The following MRPS31 variants were observed in gnomAD, a reference collection of about 807,000 sequenced individuals.
MRPS31 encodes mitochondrial ribosomal protein S31, also known as small ribosomal subunit protein mS31.
Under a neutral mutation model 43.1 loss-of-function variants are expected in MRPS31, and 32 were observed. The ratio of observed to expected loss-of-function variants is 0.74; its 90% CI spans 0.56 to 1.00. The LOEUF (loss-of-function observed/expected upper bound fraction) is 1.00. MRPS31 is among the 50% of genes least tolerant of loss of function. MRPS31 has a pLI of 0.00. For missense variants in MRPS31, 437 were observed against 466.7 expected (o/e 0.94, Z 0.59); for synonymous variants, 165 against 161.6 (o/e 1.02, Z -0.16).
At chr13:40,752,651 A>T (rs1259809839) in intron 5 of MRPS31, among the ~76,000 whole-genome samples, 1 of 152,204 alleles carries the variant, frequency 6.6e-6, no homozygotes, top group African/African-American at 2.4e-5. Context: ...AAATAGAGGG[A>T]AAATCAAAAG....
chr13:40,757,714 G>A (rs1477999062), intron 3 of MRPS31, among the ~76,000 whole-genome samples: 3 of 148,612 alleles, frequency 2.0e-5, no homozygotes, highest in Admixed American at 2.0e-4. Context: ...ACAGTGCTGG[G>A]ATTACAGGCG....
chr13:40,741,341 T>TA (rs1880083673), intron 6 of MRPS31, among the ~76,000 whole-genome samples: 1 of 152,162 alleles, frequency 6.6e-6, no homozygotes, highest in Non-Finnish European at 1.5e-5. Context: ...GGAAACATAT[T>TA]TCCAACACAT....
intron 6 of MRPS31, among the ~76,000 whole-genome samples, chr13:40,741,333 A>T (rs1176577987): frequency 6.6e-6 from 1 of 152,204 alleles, no homozygotes; most frequent in African/African-American, 2.4e-5. Context: ...ACAAACTGGG[A>T]AACATATTTC....
At chr13:40,758,559 G>A (rs1381094097) in intron 3 of MRPS31, among the ~76,000 whole-genome samples, 3 of 152,138 alleles carry the variant, frequency 2.0e-5, no homozygotes, top group Admixed American at 6.5e-5. Context: ...AAATACAGAA[G>A]AGGAAAAAGA....
At chr13:40,752,846 C>T (rs1367951636) in intron 5 of MRPS31, among the ~76,000 whole-genome samples, 1 of 151,994 alleles carries the variant, frequency 6.6e-6, no homozygotes, top group African/African-American at 2.4e-5. Flanking sequence ...TCCAGTGATC[C>T]TGCCACTTCA....
chr13:40,752,408 C>T (rs1880416233), intron 5 of MRPS31: 1 of 152,186 alleles, frequency 6.6e-6, no homozygotes, highest in Non-Finnish European at 1.5e-5. Flanking sequence ...ACTTCCTTCT[C>T]ATCATACACA....
chr13:40,769,267 T>C (rs1014222572), intron 1 of MRPS31, among the ~76,000 whole-genome samples: 4 of 150,436 alleles, frequency 2.7e-5, no homozygotes, highest in African/African-American at 9.7e-5. Context: ...TCCCAGCTAC[T>C]TGGGAGGCTG....
intron 6 of MRPS31, among the ~76,000 whole-genome samples, chr13:40,739,915 C>T (rs1173417395): frequency 5.3e-5 from 8 of 151,736 alleles, no homozygotes; most frequent in Non-Finnish European, 1.0e-4. Context: ...AAAGCAATGG[C>T]AACAAAAGAC....
chr13:40,744,955 T>C (rs948297354), intron 6 of MRPS31, among the ~76,000 whole-genome samples: 6 of 151,276 alleles, frequency 4.0e-5, no homozygotes, highest in African/African-American at 1.2e-4. Flanking sequence ...GGAGTCTTGC[T>C]CTGTCACCTA....
Position 40,756,885 on chromosome 13 carries a change from T to C in MRPS31, c.728A>G (p.Asp243Gly). 5.0e-6 allele frequency: 8 copies of C among 1,613,094 alleles called. No individual in the cohort carries two copies. The highest frequency in any genetic ancestry group is 2.7e-5 in the African/African-American group (2 of 74,964). ...DNYPGQEKTD[D>G]LKKRKNIFTG... ...CAAAGCCTGATACCTTTTTTTAAGA[T>C]CATCCGTCTTCTCCTGGCCAGGATA... The change falls in exon 4 of 7, where the codon GAT (aspartate) becomes GGT (glycine). Residue 243 changes from aspartate (D) to glycine (G), a missense_variant. By Grantham distance (94) the Asp-to-Gly change is moderately conservative (BLOSUM62 -1). Transcript: ENST00000323563.
intron 1 of MRPS31, among the ~76,000 whole-genome samples, chr13:40,769,697 G>A (rs1256072332): frequency 2.0e-5 from 3 of 151,850 alleles, no homozygotes; most frequent in African/African-American, 7.3e-5. Flanking sequence ...ACTATTCAAG[G>A]TATTTTAATA....
At chr13:40,747,018 C>A (rs573089986) in intron 6 of MRPS31, among the ~76,000 whole-genome samples, 1 of 152,254 alleles carries the variant, frequency 6.6e-6, no homozygotes, top group South Asian at 2.1e-4. Flanking sequence ...AACCACTATG[C>A]TTCACCGACT....
At chr13:40,754,296 T>C (rs1880470221) in intron 4 of MRPS31, among the ~76,000 whole-genome samples, 1 of 152,194 alleles carries the variant, frequency 6.6e-6, no homozygotes, top group African/African-American at 2.4e-5. Context: ...TGCTTCATAA[T>C]ACAACAAATC....
rs1258818867 is a variant in MRPS31 at position 40,758,627 on chromosome 13, T to C, written c.599+321A>G. Among the ~76,000 whole-genome samples, 4 of 152,332 alleles carry C rather than the reference T, an allele frequency of 2.6e-5. No homozygotes were observed. In the East Asian group the frequency reaches 7.7e-4, roughly 29 times the overall value. On this transcript the variant is annotated intron_variant, in intron 3 of 6. Coordinates refer to ENST00000323563, the MANE Select transcript of MRPS31 (RefSeq NM_005830.4). ...GCATAAAACCAGCAAGGTATTTAACTGAAAAAAATTACTTTTCTCAGAGAA... is the reference window on the plus strand; with the variant it reads ...GCATAAAACCAGCAAGGTATTTAACCGAAAAAAATTACTTTTCTCAGAGAA...
At position 40,771,141 on chromosome 13, in the gene MRPS31, G is replaced by A. The variant is rs190779700; in HGVS notation, c.-5C>T. On this transcript the variant is annotated 5_prime_UTR_variant, in exon 1 of 7. Transcript: ENST00000323563. ...CGTCGAGACTCTAGGAAACATCGCC[G>A]AGACACGAAATGAACCAAGAACACA... is the stretch of plus-strand genomic sequence containing the variant. The A allele has an allele frequency of 6.9e-6, 11 of 1,597,172 alleles. No individual in the cohort carries two copies. In the Admixed American group the frequency reaches 8.6e-5, roughly 13 times the overall value.
chr13:40,749,176 T>G lies in MRPS31; in HGVS notation c.920A>C (p.Glu307Ala). Residue 307 changes from glutamate to alanine, a missense_variant, in exon 6 of 7, where the codon GAG becomes GCG. By Grantham distance (107) the Glu-to-Ala change is moderately radical. Transcript: ENST00000323563. The part of the protein sequence containing the change: ...GFEELIQWTK[E>A]GKLWEFPINN... Reference sequence around the variant, plus strand: ...AATTGGGAACTCCCATAGTTTCCCCTCTTTTGTCCACTGGATCAGCTCTTC... The same window carrying G: ...AATTGGGAACTCCCATAGTTTCCCCGCTTTTGTCCACTGGATCAGCTCTTC... The G allele has an allele frequency of 6.2e-7, 1 of 1,601,958 alleles. No individual in the cohort carries two copies. The highest frequency in any genetic ancestry group is 8.5e-7 in the Non-Finnish European group (1 of 1,177,564).
At chr13:40,750,465 G>A (rs1236615139) in intron 5 of MRPS31, among the ~76,000 whole-genome samples, 2 of 151,658 alleles carry the variant, frequency 1.3e-5, no homozygotes, top group Non-Finnish European at 2.9e-5. Flanking sequence ...TAGTTTCATG[G>A]GTGTATATAT....
intron 6 of MRPS31, among the ~76,000 whole-genome samples, chr13:40,746,150 A>G (rs1009798980): frequency 1.1e-4 from 16 of 152,264 alleles, no homozygotes; most frequent in African/African-American, 3.6e-4. Flanking sequence ...ATTATGTTCC[A>G]ATACTACTAA....
intron 6 of MRPS31, among the ~76,000 whole-genome samples, chr13:40,730,272 C>T (rs1879640136): frequency 6.6e-6 from 1 of 151,922 alleles, no homozygotes. Context: ...CCTATAATCC[C>T]AGCACTTTGG....
Sources: allele counts gnomAD v4.1 joint callset (sites outside exome capture counted in the v4.1 genomes callset), GRCh38; gene constraint gnomAD v4.1.1; transcripts MANE v1.5; gene names NCBI Gene and HGNC (gene_info 2026-07-23, HGNC 2026-07-21).